ADGRG4: variants seen among roughly 807,000 people sequenced by gnomAD.
ADGRG4 encodes adhesion G protein-coupled receptor G4.
A neutral mutation model predicts 126.2 loss-of-function variants in ADGRG4; 122 were observed. The observed-to-expected ratio is 0.97, with a 90% CI of 0.83 to 1.12. ADGRG4 has a LOEUF of 1.12. Among genes scored for constraint, ADGRG4 ranks in the 50% most tolerant of loss-of-function variants. The pLI, the probability that ADGRG4 is intolerant of heterozygous loss-of-function variation, is 0.00. For missense variants in ADGRG4, 2,481 were observed against 2,251.8 expected, an observed-to-expected ratio of 1.10 and a Z score of -2.06; for synonymous variants, 943 against 838.7, an observed-to-expected ratio of 1.12 and a Z score of -2.15.
intron 13 of ADGRG4, among the ~76,000 whole-genome samples, 198 bp downstream of exon 13, chrX:136,363,793 GA>G (rs926591666): frequency 9.0e-6 from 1 of 111,077 alleles, no homozygotes; most frequent in African/African-American, 3.3e-5. Flanking sequence ...GTGTTTCAGT[GA>G]TTTTTGTTTG....
chrX:136,403,488 C>T (rs1033551749), intron 22 of ADGRG4, among the ~76,000 whole-genome samples, 166 bp downstream of exon 22: 7 of 112,326 alleles, frequency 6.2e-5, no homozygotes, highest in African/African-American at 9.7e-5. Context: ...GTTAGTTGCC[C>T]GGGTCCTCTA....
At chrX:136,309,606 C>A (rs1029669526) in intron 4 of ADGRG4, among the ~76,000 whole-genome samples, 2 of 111,842 alleles carry the variant, frequency 1.8e-5, no homozygotes, top group Non-Finnish European at 3.8e-5. Context: ...GGTCCTCAAG[C>A]GTAAGAGCTA....
At chrX:136,323,858 C>G (rs1466588099) in intron 5 of ADGRG4, among the ~76,000 whole-genome samples, 1 of 111,838 alleles carries the variant, frequency 8.9e-6, no homozygotes, top group East Asian at 2.8e-4. Flanking sequence ...GGATCCAACT[C>G]AGGATCACAC....
chrX:136,385,371 G>A (rs147589300), intron 15 of ADGRG4, among the ~76,000 whole-genome samples: 59 of 111,569 alleles, frequency 5.3e-4, no homozygotes, highest in African/African-American at 1.7e-3. Context: ...TATGTATCCC[G>A]TAATATTATG....
Position 136,345,554 on chromosome X carries a change from T to C in ADGRG4, c.1848T>C (p.Asp616=). 1 of 1,210,471 alleles carries C rather than the reference T, an allele frequency of 8.3e-7. No individual in the cohort carries two copies. Among genetic ancestry groups the C allele is most frequent in the Non-Finnish European group, 1.1e-6 (1 of 894,631 alleles). The part of the protein sequence containing the change: ...RVYTQNTPTA[D]GHLLTLMSTR... The stretch of plus-strand genomic sequence containing the variant: ...ACACCCAGAATACACCTACAGCTGA[T>C]GGACACTTGCTTACTTTGATGTCCA... Residue 616 remains aspartate, a synonymous_variant, in exon 6 of 26, where the codon GAT becomes GAC. Transcript: ENST00000394143.
chrX:136,366,847 A>T (rs1053684724), intron 13 of ADGRG4, among the ~76,000 whole-genome samples: 2 of 109,496 alleles, frequency 1.8e-5, no homozygotes, highest in African/African-American at 6.7e-5. Flanking sequence ...GGTGAGGTGT[A>T]TTCTATAGGC....
At chrX:136,399,075 A>G (rs1324683347) in intron 20 of ADGRG4, among the ~76,000 whole-genome samples, 1 of 112,286 alleles carries the variant, frequency 8.9e-6, no homozygotes, top group Non-Finnish European at 1.9e-5. Flanking sequence ...TTCCAAACAC[A>G]GGTGAAATCT....
intron 15 of ADGRG4, among the ~76,000 whole-genome samples, chrX:136,377,096 G>A (rs990818948): frequency 1.8e-4 from 19 of 106,949 alleles, no homozygotes; most frequent in African/African-American, 6.2e-4. Flanking sequence ...AATGTTTTCC[G>A]TATGACTTGC....
At position 136,347,396 on chromosome X, in the gene ADGRG4, C is replaced by T. The variant is rs1380788628; in HGVS notation, c.3690C>T (p.His1230=). The part of the protein sequence containing the change: ...ANKLTTSVNS[H]ISSSATYRVH... Reference sequence around the variant, plus strand: ...AGTTGACTACTTCAGTAAACAGTCACATTTCTTCATCTGCCACATATCGTG... The same window carrying T: ...AGTTGACTACTTCAGTAAACAGTCATATTTCTTCATCTGCCACATATCGTG... The change falls in exon 6 of 26, where the codon CAC becomes CAT. Residue 1230 remains histidine, a synonymous_variant. Transcript: ENST00000394143. 2.2e-5 allele frequency: 27 copies of T among 1,208,757 alleles called. No homozygotes were observed. In the East Asian group the frequency reaches 7.7e-4, roughly 35 times the overall value.
At chrX:136,360,046 T>C (rs756122829) in intron 11 of ADGRG4, among the ~76,000 whole-genome samples, 1 of 111,319 alleles carries the variant, frequency 9.0e-6, no homozygotes, top group African/African-American at 3.3e-5. Flanking sequence ...GAACGCACAA[T>C]CCTTGGCAAC....
At chrX:136,331,057 T>A (rs1038481500) in intron 5 of ADGRG4, among the ~76,000 whole-genome samples, 1 of 110,199 alleles carries the variant, frequency 9.1e-6, no homozygotes, top group Non-Finnish European at 1.9e-5. Context: ...AGTTCAATTG[T>A]TTTGATTTTT....
chrX:136,301,935 G>A (rs1377922396), intron 1 of ADGRG4, among the ~76,000 whole-genome samples: 2 of 111,711 alleles, frequency 1.8e-5, no homozygotes, highest in African/African-American at 6.5e-5. Flanking sequence ...TGTTCCATTG[G>A]TGTATATCTC....
chrX:136,397,238 G>A (rs1297868085), intron 19 of ADGRG4, among the ~76,000 whole-genome samples: 1 of 111,439 alleles, frequency 9.0e-6, no homozygotes, highest in Non-Finnish European at 1.9e-5. Flanking sequence ...CCCTGGGAGA[G>A]GGGTAACATC....
chrX:136,312,356 G>A (rs937015904), intron 4 of ADGRG4, among the ~76,000 whole-genome samples: 4 of 112,205 alleles, frequency 3.6e-5, no homozygotes, highest in African/African-American at 1.3e-4. Context: ...GCTGGGTGTG[G>A]TGGCTCATGC....
chrX:136,338,008 T>C (rs928070207), intron 5 of ADGRG4, among the ~76,000 whole-genome samples: 1 of 111,428 alleles, frequency 9.0e-6, no homozygotes, highest in South Asian at 3.8e-4. Flanking sequence ...TTCAATGCAT[T>C]TTCTCTATTG....
In ADGRG4 at chrX:136,308,704, A is replaced by G. The variant is rs761899241; in HGVS notation, c.-9-65A>G. On this transcript the variant is annotated intron_variant, in intron 3 of 25. Transcript: ENST00000394143. Reference sequence around the variant, plus strand: ...GTATGCAAAGGAGAAGTGTGGTCACATACGCTTAGAAATTGTATTTTCTGA... The same window carrying G: ...GTATGCAAAGGAGAAGTGTGGTCACGTACGCTTAGAAATTGTATTTTCTGA... 7.8e-6 allele frequency: 5 copies of G among 644,307 alleles called. No individual in the cohort carries two copies. The East Asian group carries it at 1.6e-4, about 21-fold the overall frequency. 53.1% of individuals were successfully genotyped at this position (644,307 alleles called of 1,213,427 possible).
rs199611650 is a variant in ADGRG4, at chrX:136,410,245, GT to G, written c.8936-2011del. ...TCTCACCCTATGTTTTCCACTCCAA[GT>G]TTTTTTTTAATCTAGATACAATATC... On this transcript the variant is annotated intron_variant, in intron 23 of 25. Transcript: ENST00000394143. Among the ~76,000 whole-genome samples, 952 of 110,290 alleles carry G rather than the reference GT, an allele frequency of 8.6e-3. 9 individuals are homozygous for G. Among genetic ancestry groups the G allele is most frequent in the African/African-American group, 0.025 (759 of 30,317 alleles).
At chrX:136,390,483 A>G (rs2075314103) in intron 16 of ADGRG4, among the ~76,000 whole-genome samples, 1 of 111,672 alleles carries the variant, frequency 9.0e-6, no homozygotes, top group Non-Finnish European at 1.9e-5. Flanking sequence ...CTCTGGGTGC[A>G]TAGAAGAGGG....
At chrX:136,368,610 C>T (rs989887680) in intron 13 of ADGRG4, among the ~76,000 whole-genome samples, 1 of 111,697 alleles carries the variant, frequency 9.0e-6, no homozygotes, top group African/African-American at 3.3e-5. Context: ...TAGCTTTTGC[C>T]AGTTTTCATG....
Sources: gnomAD v4.1 joint callset for allele counts (sites outside exome capture counted in the v4.1 genomes callset) on GRCh38, gnomAD v4.1.1 for gene constraint, MANE v1.5 for transcripts, NCBI Gene and HGNC (gene_info 2026-07-23, HGNC 2026-07-21) for gene names.